Variants in OPCML observed in about 807,000 individuals in gnomAD.
The protein encoded by OPCML is opioid binding protein/cell adhesion molecule like, also known as opioid-binding protein/cell adhesion molecule.
OPCML carries 13 observed loss-of-function variants against 37.8 expected under a neutral mutation model. That is an observed-to-expected ratio of 0.34 (90% CI 0.22 to 0.55). The LOEUF (loss-of-function observed/expected upper bound fraction) is 0.55, where lower values mean the gene tolerates loss of function less well. OPCML is among the 20% of genes least tolerant of loss of function. The pLI, the probability that OPCML is intolerant of heterozygous loss-of-function variation, is 0.91. For synonymous variants in OPCML, 176 were observed against 168.8 expected (o/e 1.04, Z -0.33); for missense variants, 341 against 435.6 (o/e 0.78, Z 1.93).
chr11:132,498,345 C>T (rs2096237882), intron 4 of OPCML, among the ~76,000 whole-genome samples: 1 of 152,096 alleles, frequency 6.6e-6, no homozygotes, highest in Non-Finnish European at 1.5e-5. Flanking sequence ...TTCTCACAGC[C>T]CTAGTATATT....
intron 1 of OPCML, among the ~76,000 whole-genome samples, chr11:133,091,808 A>G (rs1013684463): frequency 6.6e-6 from 1 of 152,254 alleles, no homozygotes; most frequent in Middle Eastern, 3.4e-3. Flanking sequence ...TCTGATTTAA[A>G]CGATATTTAG....
intron 7 of OPCML, among the ~76,000 whole-genome samples, chr11:132,433,676 G>T (rs959027080): frequency 1.3e-5 from 2 of 152,158 alleles, no homozygotes; most frequent in African/African-American, 4.8e-5. Context: ...AGTAATTAAG[G>T]TTAAGTGAGG....
At chr11:132,826,556 A>G (rs1357214177) in intron 2 of OPCML, among the ~76,000 whole-genome samples, 1 of 152,206 alleles carries the variant, frequency 6.6e-6, no homozygotes, top group East Asian at 1.9e-4. Context: ...ACCTGTCTCA[A>G]GATTATTCCA....
intron 1 of OPCML, among the ~76,000 whole-genome samples, chr11:133,163,121 C>T (rs1950166383): frequency 6.6e-6 from 1 of 152,134 alleles, no homozygotes; most frequent in Non-Finnish European, 1.5e-5. Flanking sequence ...TATTTGTGTG[C>T]CAGGTCTTAA....
chr11:133,229,903 G>A (rs982439393), intron 1 of OPCML, among the ~76,000 whole-genome samples: 1 of 152,196 alleles, frequency 6.6e-6, no homozygotes, highest in Non-Finnish European at 1.5e-5. Flanking sequence ...GTGTGTGGAT[G>A]TACATGTGGC....
chr11:132,813,112 G>T (rs1939441500), intron 2 of OPCML, among the ~76,000 whole-genome samples: 1 of 151,910 alleles, frequency 6.6e-6, no homozygotes, highest in African/African-American at 2.4e-5. Flanking sequence ...TAATTTCATT[G>T]CTTTTGAATT....
intron 1 of OPCML, among the ~76,000 whole-genome samples, chr11:133,345,471 G>A (rs939560063): frequency 6.6e-6 from 1 of 152,200 alleles, no homozygotes; most frequent in African/African-American, 2.4e-5. Context: ...TCTTACGGCA[G>A]TAATGTTCCA....
intron 3 of OPCML, among the ~76,000 whole-genome samples, chr11:132,556,700 C>T (rs915180668): frequency 6.6e-6 from 1 of 152,182 alleles, no homozygotes; most frequent in African/African-American, 2.4e-5. Context: ...CCACTTTCTC[C>T]TTCCAGAACA....
In OPCML at chr11:133,004,441, A is replaced by T. The variant is rs1947067996; in HGVS notation, c.62-61431T>A. 4 of 985,450 alleles carry T rather than the reference A, an allele frequency of 4.1e-6. No homozygotes were observed. In the South Asian group the frequency reaches 1.4e-4, roughly 35 times the overall value. The allele number at this position is 985,450 out of a possible 1,614,324, so 61.0% of individuals were successfully genotyped here. On this transcript the variant is annotated intron_variant, in intron 1 of 7. Coordinates refer to ENST00000524381, the MANE Select transcript of OPCML (RefSeq NM_001012393.5). ...ATTGACAGCCAAGTCCCAGCAAGGC[A>T]GCATGTGGAGGCTGAGGTGTGCTTG...
At chr11:132,476,644 A>G (rs2096157039) in intron 4 of OPCML, among the ~76,000 whole-genome samples, 1 of 152,114 alleles carries the variant, frequency 6.6e-6, no homozygotes, top group Non-Finnish European at 1.5e-5. Context: ...GAACAATGAG[A>G]ACTCATGGAC....
chr11:132,532,691 G>A (rs571457257), intron 3 of OPCML, among the ~76,000 whole-genome samples: 13 of 152,166 alleles, frequency 8.5e-5, no homozygotes, highest in African/African-American at 3.1e-4. Context: ...TGCCTTCCCA[G>A]AGCATCTCCC....
intron 2 of OPCML, among the ~76,000 whole-genome samples, chr11:132,813,571 T>C (rs928052770): frequency 2.6e-5 from 4 of 152,110 alleles, no homozygotes; most frequent in African/African-American, 4.8e-5. Context: ...CCATCTTAAA[T>C]CTCACTCTTA....
At chr11:133,413,403 C>T (rs1408384472) in intron 1 of OPCML, among the ~76,000 whole-genome samples, 1 of 151,816 alleles carries the variant, frequency 6.6e-6, no homozygotes, top group African/African-American at 2.4e-5. Flanking sequence ...GGGTGCAGCA[C>T]ACCAGCATGG....
chr11:132,540,722 C>T (rs2096354374), intron 3 of OPCML, among the ~76,000 whole-genome samples: 1 of 152,158 alleles, frequency 6.6e-6, no homozygotes, highest in Non-Finnish European at 1.5e-5. Flanking sequence ...GGCTGGGTGA[C>T]ATCACAAACC....
rs190586476 is a variant in OPCML, at chr11:132,931,744, C to T, written c.146+11182G>A. On this transcript the variant is annotated intron_variant, in intron 2 of 7. Coordinates refer to ENST00000524381, the MANE Select transcript of OPCML (RefSeq NM_001012393.5). ...AATGACTCTACCACTATGAAAACTG[C>T]GTGGCGTTTCCTCAAAAAAATTAAA... is the stretch of plus-strand genomic sequence containing the variant. Among the ~76,000 whole-genome samples, 349 of 152,306 alleles carry T rather than the reference C, an allele frequency of 2.3e-3. 2 individuals are homozygous for T. The highest frequency in any genetic ancestry group is 3.7e-3 in the Non-Finnish European group (255 of 68,022).
At chr11:132,903,016 C>A (rs1565950492) in intron 2 of OPCML, among the ~76,000 whole-genome samples, 1 of 152,280 alleles carries the variant, frequency 6.6e-6, no homozygotes, top group African/African-American at 2.4e-5. Context: ...GTTTCTTGGG[C>A]TCATTCATTT....
chr11:132,797,126 AC>A (rs1381402443), intron 2 of OPCML, among the ~76,000 whole-genome samples: 2 of 152,144 alleles, frequency 1.3e-5, no homozygotes, highest in African/African-American at 2.4e-5. Context: ...AATCCAACTT[AC>A]CTTTTTCTTT....
chr11:133,178,802 ATTGAG>A (rs1318339083), intron 1 of OPCML, among the ~76,000 whole-genome samples: 1 of 152,182 alleles, frequency 6.6e-6, no homozygotes, highest in Non-Finnish European at 1.5e-5. Context: ...AATAAACATA[ATTGAG>A]TTGATTGCTC....
intron 1 of OPCML, among the ~76,000 whole-genome samples, chr11:133,030,863 T>C (rs767194017): frequency 6.6e-6 from 1 of 151,828 alleles, no homozygotes; most frequent in Non-Finnish European, 1.5e-5. Context: ...CATCGTCCTT[T>C]GCACTGTGCT....
Sources: allele counts gnomAD v4.1 joint callset (sites outside exome capture counted in the v4.1 genomes callset), GRCh38; gene constraint gnomAD v4.1.1; transcripts MANE v1.5; gene names NCBI Gene and HGNC (gene_info 2026-07-23, HGNC 2026-07-21).